The following WRN variants were observed in gnomAD, a reference collection of about 807,000 sequenced individuals.
WRN encodes bifunctional 3'-5' exonuclease/ATP-dependent helicase WRN.
Under a neutral mutation model 180.7 loss-of-function variants are expected in WRN, and 149 were observed. The observed-to-expected ratio is 0.82, with a 90% confidence interval of 0.72 to 0.94. The LOEUF is 0.94. Among genes scored for constraint, WRN ranks in the 40% least tolerant of loss-of-function variants. The probability of loss-of-function intolerance (pLI) is 0.00; values close to 1 mark genes in which losing one functional copy is unlikely to be tolerated. For missense variants in WRN, 1,661 were observed against 1,700.1 expected (o/e 0.98, Z 0.40); for synonymous variants, 548 against 568.9 (o/e 0.96, Z 0.52).
chr8:31,132,577 G>T, intron 24 of WRN, 71 bp downstream of exon 24: 1 of 1,604,842 alleles, frequency 6.2e-7, no homozygotes, highest in Non-Finnish European at 8.5e-7. Context: ...TCAGAGGTTT[G>T]CAGTATTATG....
At chr8:31,136,892 G>A (rs1170218153) in intron 24 of WRN, among the ~76,000 whole-genome samples, 1 of 152,080 alleles carries the variant, frequency 6.6e-6, no homozygotes, top group Non-Finnish European at 1.5e-5. Flanking sequence ...CGTAAGCTAT[G>A]TTCTGTATAG....
intron 3 of WRN, among the ~76,000 whole-genome samples, 167 bp from the exon 4 acceptor site, chr8:31,064,121 AT>A (rs1355689571): frequency 1.3e-5 from 2 of 151,858 alleles, no homozygotes; most frequent in Non-Finnish European, 1.5e-5. Context: ...TTTCTTACTT[AT>A]TTTTCAAGAA....
rs749365471 is a variant in WRN, at chr8:31,147,538, T to A, written c.3572+62T>A. 6.1e-6 allele frequency: 9 copies of A among 1,475,550 alleles called. No individual in the cohort carries two copies. The East Asian group carries it at 7.0e-5, about 11-fold the overall frequency. 91.4% of individuals were successfully genotyped at this position (1,475,550 alleles called of 1,614,324 possible). A position where few individuals can be genotyped will look rare whatever the true frequency, so the allele number is the denominator to read the frequency against. ...TCTAACAAAATAGATTTGGAAAATA[T>A]ATCTAAGTTGATAATATGACCATAG... On this transcript the variant is annotated intron_variant, in intron 30 of 34. Transcript: ENST00000298139.
At chr8:31,172,866 A>G (rs1036333679) in intron 34 of WRN, 129 bp from the exon 35 acceptor site, 2 of 708,290 alleles carry the variant, frequency 2.8e-6, no homozygotes, top group Non-Finnish European at 4.9e-6. Flanking sequence ...TTATATAGAT[A>G]CCACTATTTT....
chr8:31,154,665 G>T lies in WRN; in HGVS notation c.3729G>T (p.Lys1243Asn), dbSNP rs2130470034. 1 of 1,613,514 alleles carries T rather than the reference G, an allele frequency of 6.2e-7. No individual in the cohort carries two copies. Among genetic ancestry groups the T allele is most frequent in the Non-Finnish European group, 8.5e-7 (1 of 1,179,688 alleles). The change falls in exon 32 of 35, where the codon AAG becomes AAT. Residue 1243 changes from lysine (K) to asparagine (N), a missense_variant. Lys to Asn is a moderately conservative substitution (Grantham distance 94, BLOSUM62 0). Coordinates refer to ENST00000298139, the MANE Select transcript of WRN (RefSeq NM_000553.6). ...GTACAAAACCTCAAGAAGAACAGAA[G>T]ACGAGTCTGGTAGCAAAAAATAAAA... is the stretch of plus-strand genomic sequence containing the variant. The part of the protein sequence containing the change: ...FSSTKPQEEQ[K>N]TSLVAKNKIC...
chr8:31,034,121 C>G (rs1585376018), intron 1 of WRN, 148 bp downstream of exon 1: 1 of 152,268 alleles, frequency 6.6e-6, no homozygotes, highest in East Asian at 1.9e-4. Flanking sequence ...GACTTTCTCC[C>G]TTTTCCTTTC....
At chr8:31,119,072 A>G (rs1801622189) in intron 20 of WRN, among the ~76,000 whole-genome samples, 1 of 152,042 alleles carries the variant, frequency 6.6e-6, no homozygotes, top group Non-Finnish European at 1.5e-5. Context: ...TTATTCAGCC[A>G]GAGCTTTTAC....
intron 9 of WRN, among the ~76,000 whole-genome samples, chr8:31,081,952 G>A (rs527727774): frequency 6.6e-6 from 1 of 151,958 alleles, no homozygotes; most frequent in Non-Finnish European, 1.5e-5. Context: ...GTAGAGATGG[G>A]GTTTCGCTCT....
rs200053956 is a variant in WRN, at chr8:31,116,565, T to C, written c.2448+37T>C. ...AATCATCATTGCTCTCCGTTGCTCA[T>C]AGTGGAAGTGGATATTTCTCAAATG... On this transcript the variant is annotated intron_variant, in intron 20 of 34. Coordinates refer to ENST00000298139, the MANE Select transcript of WRN (RefSeq NM_000553.6). 3.1e-6 allele frequency: 5 copies of C among 1,610,866 alleles called. No individual in the cohort carries two copies. The African/African-American group carries it at 5.3e-5, about 17-fold the overall frequency.
chr8:31,094,348 CT>C (rs780787702), intron 16 of WRN, among the ~76,000 whole-genome samples: 347 of 140,156 alleles, frequency 2.5e-3, no homozygotes, highest in Middle Eastern at 3.8e-3. Flanking sequence ...TCTTTTCTTT[CT>C]TTTTTTTTTT....
At chr8:31,056,000 C>T (rs921022539) in intron 1 of WRN, among the ~76,000 whole-genome samples, 5 of 152,092 alleles carry the variant, frequency 3.3e-5, no homozygotes, top group African/African-American at 1.2e-4. Flanking sequence ...GGTTTGTAAA[C>T]AAATTTACGT....
chr8:31,154,827 ATT>A, intron 32 of WRN, 72 bp downstream of exon 32: 1 of 1,580,256 alleles, frequency 6.3e-7, no homozygotes, highest in Non-Finnish European at 8.7e-7. Context: ...GCTTTTTAGT[ATT>A]AAAGTTCTGA....
intron 7 of WRN, among the ~76,000 whole-genome samples, 178 bp from the exon 8 acceptor site, chr8:31,075,995 T>C (rs542673008): frequency 6.6e-6 from 1 of 152,208 alleles, no homozygotes; most frequent in African/African-American, 2.4e-5. Context: ...CAGTAAAAAT[T>C]TGAAAGAGAG....
At chr8:31,153,934 T>C (rs929959187) in intron 31 of WRN, among the ~76,000 whole-genome samples, 3 of 152,166 alleles carry the variant, frequency 2.0e-5, no homozygotes, top group African/African-American at 7.2e-5. Flanking sequence ...CTTTAAATTA[T>C]TAATTTCATC....
At chr8:31,158,780 C>T (rs982341730) in intron 33 of WRN, among the ~76,000 whole-genome samples, 5 of 151,966 alleles carry the variant, frequency 3.3e-5, no homozygotes, top group Admixed American at 1.3e-4. Flanking sequence ...AGCTCCTTCA[C>T]TTCCATTGAT....
At chr8:31,154,880 T>A (rs1803317840) in intron 32 of WRN, 125 bp downstream of exon 32, 1 of 1,219,656 alleles carries the variant, frequency 8.2e-7, no homozygotes, top group Non-Finnish European at 1.1e-6. Flanking sequence ...AAATCTCAGT[T>A]TATCTTTAAT....
chr8:31,122,857 C>CTTTTTTTTTTTT (rs1801772940), intron 21 of WRN, among the ~76,000 whole-genome samples: 1 of 47,950 alleles, frequency 2.1e-5, no homozygotes, highest in Non-Finnish European at 4.6e-5. Flanking sequence ...CATTTCTTTT[C>CTTTTTTTTTTTT]TTGTTTTTTT....
rs1267894968 is a variant in WRN, at chr8:31,149,474, T to G, written c.3573-867T>G. Among the ~76,000 whole-genome samples the G allele has an allele frequency of 1.0e-3, 95 of 93,574 alleles. 14 individuals carry two copies. The highest frequency in any genetic ancestry group is 3.2e-3 in the African/African-American group (78 of 24,670). The allele number at this position is 93,574 out of a possible 152,430, so 61.4% of individuals were successfully genotyped here. Reference sequence around the variant, plus strand: ...AGAGGTGTTTTTTTTTTTTTTTTTTTTTTTTTTTTTTTTTTTTGGTGATAG... The same window carrying G: ...AGAGGTGTTTTTTTTTTTTTTTTTTGTTTTTTTTTTTTTTTTTGGTGATAG... On this transcript the variant is annotated intron_variant, in intron 30 of 34. Transcript: ENST00000298139.
chr8:31,036,558 G>A (rs1312468458), intron 1 of WRN, among the ~76,000 whole-genome samples: 1 of 152,138 alleles, frequency 6.6e-6, no homozygotes, highest in Non-Finnish European at 1.5e-5. Flanking sequence ...ACAGGTGTGA[G>A]GTGATATCTC....
Sources: gnomAD v4.1 joint callset for allele counts (sites outside exome capture counted in the v4.1 genomes callset) on GRCh38, gnomAD v4.1.1 for gene constraint, MANE v1.5 for transcripts, NCBI Gene and HGNC (gene_info 2026-07-23, HGNC 2026-07-21) for gene names.